The following PTCH2 variants were observed in gnomAD, a reference collection of about 807,000 sequenced individuals.
PTCH2 encodes protein patched homolog 2.
Under a neutral mutation model 117.9 loss-of-function variants are expected in PTCH2, and 96 were observed. The ratio of observed to expected loss-of-function variants is 0.81; its 90% CI spans 0.69 to 0.96. PTCH2 has a LOEUF of 0.96. Among genes scored for constraint, PTCH2 ranks in the 50% least tolerant of loss-of-function variants. The pLI, the probability that PTCH2 is intolerant of heterozygous loss-of-function variation, is 0.00. For synonymous variants in PTCH2, 615 were observed against 660.9 expected, an observed-to-expected ratio of 0.93 and a Z score of 1.06; for missense variants, 1,379 against 1,562.5, an observed-to-expected ratio of 0.88 and a Z score of 1.98.
downstream of PTCH2, chr1:44,820,650 G>T (rs189756125): frequency 1.6e-3 from 1,149 of 714,040 alleles, 2 homozygotes; most frequent in Non-Finnish European, 2.7e-3. Flanking sequence ...GTGGCGCTCC[G>T]TGTGTCTGAT....
chr1:44,836,959 C>CAAAACA (rs1653716854), intron 2 of PTCH2, among the ~76,000 whole-genome samples: 1 of 152,024 alleles, frequency 6.6e-6, no homozygotes, highest in Non-Finnish European at 1.5e-5. Flanking sequence ...CTCTATAAAA[C>CAAAACA]AAAACAAAAA....
chr1:44,827,226 G>A lies in PTCH2; in HGVS notation c.2455C>T (p.Leu819=). The part of the protein sequence containing the change: ...SYRNGSEDGA[L]AYKLLIQTGD... ...GTCTGGATGAGCAGCTTGTAGGCCA[G>A]GGCCCCATCCTCAGAGCCATTGCGG... The change falls in exon 16 of 22, where the codon CTG becomes TTG. Residue 819 remains leucine (L), a synonymous_variant. Transcript: ENST00000372192. 6.2e-7 allele frequency: 1 copy of A among 1,614,126 alleles called. No individual in the cohort carries two copies. The highest frequency in any genetic ancestry group is 8.5e-7 in the Non-Finnish European group (1 of 1,180,028).
chr1:44,821,207 G>A (rs908790298), downstream of PTCH2, among the ~76,000 whole-genome samples: 1 of 152,098 alleles, frequency 6.6e-6, no homozygotes, highest in South Asian at 2.1e-4. Context: ...ACGCCTCTAG[G>A]TGAGGCTCTG....
In PTCH2 at chr1:44,826,940, A is replaced by C. The variant is rs1400796002; in HGVS notation, c.2657T>G (p.Leu886Arg). The change falls in exon 17 of 22, where the codon CTG becomes CGG. Residue 886 changes from leucine (L) to arginine (R), a missense_variant. Leu to Arg is a moderately radical substitution (Grantham distance 102). Coordinates refer to ENST00000372192, the MANE Select transcript of PTCH2 (RefSeq NM_003738.5). The surrounding 1 kb of genome is among the most constrained non-coding windows in gnomAD (Gnocchi z 5.1). The part of the protein sequence containing the change: ...ANFYPPPPEW[L>R]HDKYDTTGEN... ...CCCCGTGGTGTCGTATTTGTCGTGC[A>C]GCCATTCAGGAGGTGGGGGGTAGAA... 6.2e-7 allele frequency: 1 copy of C among 1,614,026 alleles called. No individual in the cohort carries two copies. The highest frequency in any genetic ancestry group is 1.1e-5 in the South Asian group (1 of 91,078).
intron 1 of PTCH2, among the ~76,000 whole-genome samples, chr1:44,842,248 C>T (rs1415936120): frequency 4.6e-5 from 7 of 150,964 alleles, no homozygotes; most frequent in Admixed American, 3.3e-4. Flanking sequence ...GGCCTATTTT[C>T]CTTTCTTTTC....
At position 44,823,156 on chromosome 1, in the gene PTCH2, C is replaced by G. The variant is rs752886480; in HGVS notation, c.3270G>C (p.Ala1090=). ...HFDFIVRYFF[A]ALTVLTLLGL... is the part of the protein sequence containing the mutation. ...CCAGGAGCGTGAGCACTGTCAGCGCCGCAAAGAAGTACCTAGGGGTAGGGT... is the reference window on the plus strand; with the variant it reads ...CCAGGAGCGTGAGCACTGTCAGCGCGGCAAAGAAGTACCTAGGGGTAGGGT... Residue 1090 remains alanine (A), a synonymous_variant, in exon 21 of 22, where the codon GCG becomes GCC. Coordinates refer to ENST00000372192, the MANE Select transcript of PTCH2 (RefSeq NM_003738.5). The surrounding 1 kb of genome is among the most constrained non-coding windows in gnomAD (Gnocchi z 5.1). The G allele has an allele frequency of 6.2e-7, 1 of 1,614,092 alleles. No homozygotes were observed. The highest frequency in any genetic ancestry group is 8.5e-7 in the Non-Finnish European group (1 of 1,180,000).
chr1:44,829,778 A>G lies in PTCH2; in HGVS notation c.936-17T>C. ...GCCTCTGCCCTGGTGGGGGTGTGGG[A>G]GAACCAGGGGTCAGAGCTGGCCCAA... On this transcript the variant is annotated splice_polypyrimidine_tract_variant and intron_variant, in intron 7 of 21. Transcript: ENST00000372192. 6.2e-7 allele frequency: 1 copy of G among 1,614,166 alleles called. No individual in the cohort carries two copies. Among genetic ancestry groups the G allele is most frequent in the Non-Finnish European group, 8.5e-7 (1 of 1,180,014 alleles).
intron 2 of PTCH2, among the ~76,000 whole-genome samples, chr1:44,832,919 A>T (rs1458575041): frequency 6.6e-6 from 1 of 152,152 alleles, no homozygotes; most frequent in Non-Finnish European, 1.5e-5. Flanking sequence ...ATAATGGGTG[A>T]TAATAATGGG....
intron 2 of PTCH2, among the ~76,000 whole-genome samples, chr1:44,837,213 C>T (rs894924726): frequency 1.4e-4 from 21 of 152,036 alleles, no homozygotes; most frequent in African/African-American, 5.1e-4. Flanking sequence ...CTTTTCTTCT[C>T]TTTTCATGTG....
chr1:44,821,645 TG>T, downstream of PTCH2: 2 of 469,894 alleles, frequency 4.3e-6, no homozygotes, highest in Non-Finnish European at 5.6e-6. Context: ...GGCTGGAATA[TG>T]GTGGCTCTGA....
In PTCH2 at chr1:44,823,078, C is replaced by T. The variant is rs576830052; in HGVS notation, c.3348G>A (p.Pro1116=). The change falls in exon 21 of 22, where the codon CCG becomes CCA. Residue 1116 remains proline (P), a synonymous_variant. Transcript: ENST00000372192. The surrounding 1 kb of genome is among the most constrained non-coding windows in gnomAD (Gnocchi z 5.1). ...LLPVLLSILG[P]PPEVIQMYKE... ...CCGAGGGTGTGGTCACCTCTGGCGGCGGGCCCAGGATGGACAGCAGCACAG... is the reference window on the plus strand; with the variant it reads ...CCGAGGGTGTGGTCACCTCTGGCGGTGGGCCCAGGATGGACAGCAGCACAG... The T allele has an allele frequency of 2.0e-5, 33 of 1,613,048 alleles. No homozygotes were observed. Among genetic ancestry groups the T allele is most frequent in the Admixed American group, 1.8e-4 (11 of 59,916 alleles).
In PTCH2 at chr1:44,829,008, C is replaced by T. The variant is rs539053206; in HGVS notation, c.1438G>A (p.Glu480Lys). The T allele has an allele frequency of 3.2e-6, 5 of 1,568,252 alleles. No homozygotes were observed. In the Admixed American group the frequency reaches 7.6e-5, roughly 24 times the overall value. The stretch of plus-strand genomic sequence containing the variant: ...TGGAGAGGGGTGCCAGGCAGAGCCT[C>T]TGTGAAGGCATGCGCCAGCAGGAAT... ...DVFLLAHAFTEALPGTPLQER... is the reference protein window; with the variant it reads ...DVFLLAHAFTKALPGTPLQER... Residue 480 changes from glutamate (E) to lysine (K), a missense_variant, in exon 11 of 22, where the codon GAG becomes AAG. Transcript: ENST00000372192.
chr1:44,835,070 C>A (rs757265929), intron 2 of PTCH2, among the ~76,000 whole-genome samples: 3 of 152,096 alleles, frequency 2.0e-5, no homozygotes, highest in Non-Finnish European at 4.4e-5. Context: ...CATGAAAAAA[C>A]AACTTGTCTC....
chr1:44,820,452 ACACT>A (rs931342354), downstream of PTCH2: 1 of 683,996 alleles, frequency 1.5e-6, no homozygotes, highest in Non-Finnish European at 2.7e-6. Context: ...ACGGGCACAG[ACACT>A]CAGGGGCACT....
chr1:44,820,776 C>T (rs1160179956), downstream of PTCH2: 3 of 714,642 alleles, frequency 4.2e-6, no homozygotes, highest in African/African-American at 3.5e-5. Context: ...TGGTAAGTGG[C>T]ACTGAGGGCT....
In PTCH2 at chr1:44,823,853, C is replaced by T. The variant is rs756143938; in HGVS notation, c.3115-468G>A. ...ACTTGGGAGGCTGAGGTGGGAGGAT[C>T]GCTTGGCCCAGGAGGTGGAGGTTGC... On this transcript the variant is annotated intron_variant, in intron 19 of 21. Transcript: ENST00000372192. The surrounding 1 kb of genome is among the most constrained non-coding windows in gnomAD (Gnocchi z 5.1). Among the ~76,000 whole-genome samples the T allele has an allele frequency of 1.5e-4, 23 of 151,980 alleles. No individual in the cohort carries two copies. Among genetic ancestry groups the T allele is most frequent in the Non-Finnish European group, 2.8e-4 (19 of 68,008 alleles).
At chr1:44,819,904 TC>T (rs1421743619), downstream of PTCH2, 1 of 153,258 alleles carries the variant, frequency 6.5e-6, no homozygotes, top group Non-Finnish European at 1.5e-5. Flanking sequence ...ATAAGAGGCC[TC>T]AAAAAATTGA....
rs200031834 is a variant in PTCH2 at position 44,827,114 on chromosome 1, C to T, written c.2515-32G>A. The T allele has an allele frequency of 2.4e-4, 380 of 1,613,934 alleles. 1 individual carries two copies. The highest frequency in any genetic ancestry group is 1.8e-3 in the Middle Eastern group (11 of 6,058). On this transcript the variant is annotated intron_variant, in intron 16 of 21. Transcript: ENST00000372192. The stretch of plus-strand genomic sequence containing the variant: ...AGGCAGAGAGGGCTGAAGGCCTGGG[C>T]CCAGGAGGCCTGCAGCCCCTGTACT...
At position 44,823,936 on chromosome 1, in the gene PTCH2, TCAAACAAACAAACAAA is replaced by T. The variant is rs35297741; in HGVS notation, c.3115-567_3115-552del. Among the ~76,000 whole-genome samples the T allele has an allele frequency of 6.6e-6, 1 of 151,226 alleles. No homozygotes were observed. ...CTGGGCGACAGAGTGAGACCCTGTTTCAAACAAACAAACAAACAAACAAACAAACATAGGTTGGGCA... is the reference window on the plus strand; with the variant it reads ...CTGGGCGACAGAGTGAGACCCTGTTTCAAACAAACAAACATAGGTTGGGCA... On this transcript the variant is annotated intron_variant, in intron 19 of 21. Transcript: ENST00000372192. This position sits in a 1 kb window ranked among gnomAD's most constrained non-coding sequence, Gnocchi z 5.1.
Sources: gnomAD v4.1 joint callset for allele counts (sites outside exome capture counted in the v4.1 genomes callset) on GRCh38, gnomAD v4.1.1 for gene constraint, Gnocchi (gnomAD v3.1) non-coding constraint, MANE v1.5 for transcripts, NCBI Gene and HGNC (gene_info 2026-07-23, HGNC 2026-07-21) for gene names.